The following FARS2 variants were observed in gnomAD, a reference collection of about 807,000 sequenced individuals.
FARS2 encodes phenylalanyl-tRNA synthetase 2, mitochondrial.
FARS2 carries 40 observed loss-of-function variants against 46.4 expected under a neutral mutation model. The observed-to-expected ratio is 0.86, with a 90% CI of 0.67 to 1.12. The LOEUF (loss-of-function observed/expected upper bound fraction) is 1.12, where lower values mean the gene tolerates loss of function less well. Among genes scored for constraint, FARS2 ranks in the 50% most tolerant of loss-of-function variants. The pLI, the probability that FARS2 is intolerant of heterozygous loss-of-function variation, is 0.00. For missense variants in FARS2, 513 were observed against 567.9 expected, an observed-to-expected ratio of 0.90 and a Z score of 0.98; for synonymous variants, 234 against 214.9, an observed-to-expected ratio of 1.09 and a Z score of -0.78.
intron 6 of FARS2, among the ~76,000 whole-genome samples, chr6:5,634,957 G>A (rs1305638602): frequency 3.3e-5 from 5 of 152,172 alleles, no homozygotes; most frequent in Non-Finnish European, 7.4e-5. Flanking sequence ...ATGTGTCCTG[G>A]AAGGAATGGA....
At chr6:5,260,548 A>G (rs943483942), upstream of FARS2, 1 of 1,466,846 alleles carries the variant, frequency 6.8e-7, no homozygotes, top group African/African-American at 1.4e-5. Context: ...CCGGCAAACC[A>G]CGGTGGCTCC....
At chr6:5,359,597 G>A (rs1758174266) in intron 1 of FARS2, among the ~76,000 whole-genome samples, 1 of 152,116 alleles carries the variant, frequency 6.6e-6, no homozygotes, top group Non-Finnish European at 1.5e-5. Flanking sequence ...TAATTGTCTT[G>A]ACAAATGGCA....
At chr6:5,414,811 GTTTTTTTTTT>G (rs35210878) in intron 3 of FARS2, among the ~76,000 whole-genome samples, 1 of 86,670 alleles carries the variant, frequency 1.2e-5, no homozygotes, top group African/African-American at 4.5e-5. Flanking sequence ...GTATATGACT[GTTTTTTTTTT>G]TTTTTTTTTT....
At chr6:5,771,147 AG>A (rs2150990356) in intron 6 of FARS2, 143 bp from the exon 7 acceptor site, 1 of 807,274 alleles carries the variant, frequency 1.2e-6, no homozygotes, top group East Asian at 2.8e-5. Context: ...TATAAGATGC[AG>A]ATTGTTAGCG....
chr6:5,383,115 G>C (rs906301818), intron 2 of FARS2, among the ~76,000 whole-genome samples: 1 of 152,110 alleles, frequency 6.6e-6, no homozygotes, highest in Non-Finnish European at 1.5e-5. Context: ...CGTCAAGTTG[G>C]CACATAAAAT....
intron 1 of FARS2, among the ~76,000 whole-genome samples, chr6:5,345,905 A>G (rs941463804): frequency 2.6e-5 from 4 of 152,226 alleles, no homozygotes; most frequent in Admixed American, 6.5e-5. Context: ...ATTTTGTCCT[A>G]TAAAGCACAG....
At chr6:5,371,855 A>G (rs946610863) in intron 2 of FARS2, among the ~76,000 whole-genome samples, 4 of 152,156 alleles carry the variant, frequency 2.6e-5, no homozygotes, top group South Asian at 2.1e-4. Flanking sequence ...ATACATCAGT[A>G]TTCATGAATT....
chr6:5,381,451 G>T lies in FARS2; in HGVS notation c.612+12269G>T, dbSNP rs2875988. ...CAGAATTTTTTATATAGTTTAAAGG[G>T]TTTTATAGGCTTATTAGTTAAAGGG... On this transcript the variant is annotated intron_variant, in intron 2 of 6. Coordinates refer to ENST00000274680, the MANE Select transcript of FARS2 (RefSeq NM_006567.5). 9.2e-3 allele frequency among the ~76,000 whole-genome samples: 1,389 copies of T among 151,076 alleles called. 20 individuals carry two copies. Among genetic ancestry groups the T allele is most frequent in the African/African-American group, 0.032 (1,314 of 41,144 alleles).
intron 2 of FARS2, among the ~76,000 whole-genome samples, chr6:5,400,759 T>A (rs532324333): frequency 6.6e-6 from 1 of 152,136 alleles, no homozygotes; most frequent in South Asian, 2.1e-4. Flanking sequence ...GAATGATGTA[T>A]TAAAGTTTCC....
At chr6:5,256,491 GAAAAAAAAAAAAA>G (rs1161084364), upstream of FARS2, among the ~76,000 whole-genome samples, 2 of 43,880 alleles carry the variant, frequency 4.6e-5, no homozygotes, top group African/African-American at 1.5e-4. Flanking sequence ...ATTTCAACTG[GAAAAAAAAAAAAA>G]AAAAAAAAAA....
At chr6:5,275,696 T>G (rs1766286125) in intron 1 of FARS2, among the ~76,000 whole-genome samples, 1 of 152,184 alleles carries the variant, frequency 6.6e-6, no homozygotes, top group Admixed American at 6.5e-5. Flanking sequence ...TTGTTTGGAT[T>G]ATATTGCTCC....
chr6:5,718,273 C>T (rs1759656101), intron 6 of FARS2, among the ~76,000 whole-genome samples: 1 of 152,094 alleles, frequency 6.6e-6, no homozygotes, highest in Non-Finnish European at 1.5e-5. Context: ...ATTTACTTAA[C>T]CCTTCCATGC....
At chr6:5,333,760 G>A (rs1770961230) in intron 1 of FARS2, among the ~76,000 whole-genome samples, 1 of 152,144 alleles carries the variant, frequency 6.6e-6, no homozygotes, top group South Asian at 2.1e-4. Flanking sequence ...GCAGTCGCTA[G>A]CCAGGTGTTA....
intron 1 of FARS2, among the ~76,000 whole-genome samples, chr6:5,309,521 G>A (rs1350721708): frequency 6.6e-6 from 1 of 152,162 alleles, no homozygotes; most frequent in Non-Finnish European, 1.5e-5. Flanking sequence ...GGGTGGCTAA[G>A]GATAAAGGTG....
intron 4 of FARS2, among the ~76,000 whole-genome samples, chr6:5,487,652 C>T (rs1247485979): frequency 3.3e-5 from 5 of 152,174 alleles, no homozygotes; most frequent in African/African-American, 1.2e-4. Context: ...ATTCTGTGGT[C>T]TCCCCAACAC....
chr6:5,294,623 G>C (rs1767727422), intron 1 of FARS2, among the ~76,000 whole-genome samples: 1 of 152,126 alleles, frequency 6.6e-6, no homozygotes, highest in Admixed American at 6.5e-5. Flanking sequence ...CTTCCTCTTT[G>C]GGTGTGGTTA....
chr6:5,266,061 C>T (rs947597498), intron 1 of FARS2, among the ~76,000 whole-genome samples: 6 of 151,970 alleles, frequency 3.9e-5, no homozygotes, highest in Non-Finnish European at 8.8e-5. Context: ...TTCTCCTGGG[C>T]CTTGAAAGGA....
At chr6:5,334,511 G>A (rs1771021416) in intron 1 of FARS2, among the ~76,000 whole-genome samples, 2 of 152,178 alleles carry the variant, frequency 1.3e-5, no homozygotes, top group South Asian at 4.1e-4. Context: ...GCTTTTGTAT[G>A]ATGGAATACT....
At chr6:5,353,701 C>T (rs1334419363) in intron 1 of FARS2, among the ~76,000 whole-genome samples, 2 of 93,560 alleles carry the variant, frequency 2.1e-5, no homozygotes, top group South Asian at 6.6e-4. Flanking sequence ...ATTTTTTTAC[C>T]TGTTTTTAAA....
Sources: allele counts gnomAD v4.1 joint callset (sites outside exome capture counted in the v4.1 genomes callset), GRCh38; gene constraint gnomAD v4.1.1; transcripts MANE v1.5; gene names NCBI Gene and HGNC (gene_info 2026-07-23, HGNC 2026-07-21).